The following ACSL4 variants were observed in gnomAD, a reference collection of about 807,000 sequenced individuals.
The protein encoded by ACSL4 is acyl-CoA synthetase long chain family member 4.
Under a neutral mutation model 49.1 loss-of-function variants are expected in ACSL4, and 9 were observed. That is an observed-to-expected ratio of 0.18 (90% CI 0.11 to 0.32). The LOEUF is 0.32. Ranked by LOEUF, ACSL4 falls within the 10% of genes least tolerant of loss-of-function variation. ACSL4 has a pLI of 1.00. For missense variants in ACSL4, 333 were observed against 493.7 expected (o/e 0.67, Z 3.08); for synonymous variants, 191 against 170.3 (o/e 1.12, Z -0.95).
intron 1 of ACSL4, among the ~76,000 whole-genome samples, chrX:109,720,915 C>T (rs752384183): frequency 8.9e-6 from 1 of 112,001 alleles, no homozygotes; most frequent in Non-Finnish European, 1.9e-5. Flanking sequence ...TTCCATGGTT[C>T]CAGGTGAAGA....
rs1008373801 is a variant in ACSL4 at position 109,664,854 on chromosome X, G to A, written c.1390+566C>T. On this transcript the variant is annotated intron_variant, in intron 12 of 15. Coordinates refer to ENST00000672401, the MANE Select transcript of ACSL4 (RefSeq NM_001318510.2). ...TTATTGTAGTTACTGTGTATATTTA[G>A]TATCTTTCATTAAGAAGACTGGTTG... 4.5e-5 allele frequency among the ~76,000 whole-genome samples: 5 copies of A among 111,786 alleles called. No homozygotes were observed. The East Asian group carries it at 1.4e-3, about 31-fold the overall frequency.
At chrX:109,718,657 T>C (rs1234364907) in intron 1 of ACSL4, among the ~76,000 whole-genome samples, 1 of 108,625 alleles carries the variant, frequency 9.2e-6, no homozygotes, top group Non-Finnish European at 1.9e-5. Flanking sequence ...AGGATGCTTA[T>C]GTGGGAGGAT....
intron 6 of ACSL4, among the ~76,000 whole-genome samples, chrX:109,680,207 A>T (rs1401622835): frequency 9.0e-6 from 1 of 111,610 alleles, no homozygotes; most frequent in Non-Finnish European, 1.9e-5. Flanking sequence ...CTATGGCACC[A>T]GGAAGTTTTG....
At chrX:109,698,537 G>C (rs1925624953) in intron 1 of ACSL4, among the ~76,000 whole-genome samples, 1 of 111,474 alleles carries the variant, frequency 9.0e-6, no homozygotes, top group Admixed American at 9.6e-5. Flanking sequence ...ATATAAGAAA[G>C]TTAGAAAGTG....
rs1485903250 is a variant in ACSL4 at position 109,641,456 on chromosome X, C to G, written c.*2573G>C. ...ACAATTCTGCAATCATGCATTTTAA[C>G]AGAAAGTACAAATATGAATACATTA... is the stretch of plus-strand genomic sequence containing the variant. On this transcript the variant is annotated 3_prime_UTR_variant, in exon 16 of 16. Transcript: ENST00000672401. The G allele has an allele frequency of 8.9e-6, 1 of 112,949 alleles. No homozygotes were observed. The highest frequency in any genetic ancestry group is 1.9e-5 in the Non-Finnish European group (1 of 53,262). 9.3% of individuals were successfully genotyped at this position (112,949 alleles called of 1,213,427 possible).
chrX:109,680,401 A>G (rs1328726317), intron 6 of ACSL4, among the ~76,000 whole-genome samples: 1 of 112,400 alleles, frequency 8.9e-6, no homozygotes, highest in Non-Finnish European at 1.9e-5. Flanking sequence ...TCCTTTTCTC[A>G]TTATAGTATG....
At position 109,701,217 on chromosome X, in the gene ACSL4, A is replaced by G. The variant is rs1401284407; in HGVS notation, c.-65-5021T>C. Among the ~76,000 whole-genome samples, 3 of 109,879 alleles carry G rather than the reference A, an allele frequency of 2.7e-5. No homozygotes were observed. The Admixed American group carries it at 2.9e-4, about 11-fold the overall frequency. On this transcript the variant is annotated intron_variant, in intron 1 of 15. Coordinates refer to ENST00000672401, the MANE Select transcript of ACSL4 (RefSeq NM_001318510.2). ...TCTAAGCATATTCTAATACACACAT[A>G]CATTTTTTTTTTTTGAGATGATGGA...
At chrX:109,721,282 A>G (rs1345723671) in intron 1 of ACSL4, among the ~76,000 whole-genome samples, 1 of 112,602 alleles carries the variant, frequency 8.9e-6, no homozygotes, top group Non-Finnish European at 1.9e-5. Flanking sequence ...AATTTTCACC[A>G]TCTTAGCAGG....
At chrX:109,716,348 T>C (rs1927117791) in intron 1 of ACSL4, among the ~76,000 whole-genome samples, 1 of 112,480 alleles carries the variant, frequency 8.9e-6, no homozygotes, top group Non-Finnish European at 1.9e-5. Context: ...TTATACCTGT[T>C]ACTACTTAAG....
intron 1 of ACSL4, among the ~76,000 whole-genome samples, chrX:109,701,062 GCAAA>G (rs1428192485): frequency 2.7e-5 from 3 of 110,910 alleles, no homozygotes; most frequent in Admixed American, 9.5e-5. Flanking sequence ...AAATAAATAA[GCAAA>G]CAAACAATAA....
At chrX:109,686,837 G>A (rs1485781790) in intron 2 of ACSL4, among the ~76,000 whole-genome samples, 1 of 110,647 alleles carries the variant, frequency 9.0e-6, no homozygotes, top group East Asian at 2.8e-4. Context: ...ATTCAGGTGA[G>A]AAGAAACCAG....
At chrX:109,681,438 G>A in intron 4 of ACSL4, 63 bp from the exon 5 acceptor site, 2 of 776,929 alleles carry the variant, frequency 2.6e-6, no homozygotes, top group African/African-American at 2.1e-5. Context: ...GGATATTATT[G>A]AAGTCAGTCT....
At chrX:109,669,780 T>A (rs1207039831) in intron 9 of ACSL4, among the ~76,000 whole-genome samples, 1 of 112,751 alleles carries the variant, frequency 8.9e-6, no homozygotes, top group Non-Finnish European at 1.9e-5. Flanking sequence ...TCTGTTACAA[T>A]ATATTCACTT....
At chrX:109,697,513 C>A (rs762137668) in intron 1 of ACSL4, among the ~76,000 whole-genome samples, 2 of 111,179 alleles carry the variant, frequency 1.8e-5, no homozygotes, top group South Asian at 7.6e-4. Context: ...AAGCCTATTA[C>A]TAACAAAGGC....
intron 1 of ACSL4, among the ~76,000 whole-genome samples, chrX:109,706,177 C>A (rs938520612): frequency 3.6e-5 from 4 of 112,414 alleles, no homozygotes; most frequent in Non-Finnish European, 7.5e-5. Context: ...AAATTGAATA[C>A]AATGATAACT....
chrX:109,717,918 T>C lies in ACSL4; in HGVS notation c.-66+15221A>G, dbSNP rs184685143. Among the ~76,000 whole-genome samples, 5 of 111,736 alleles carry C rather than the reference T, an allele frequency of 4.5e-5. No individual in the cohort carries two copies. In the Admixed American group the frequency reaches 4.8e-4, roughly 11 times the overall value. ...ATATTTTATGTGTAGCCCAAGACAA[T>C]TCTTCTTCCAACATGGTCCAGGGAA... On this transcript the variant is annotated intron_variant, in intron 1 of 15. Transcript: ENST00000672401.
At chrX:109,650,067 A>G (rs190538886) in intron 15 of ACSL4, among the ~76,000 whole-genome samples, 80 of 111,783 alleles carry the variant, frequency 7.2e-4, no homozygotes, top group African/African-American at 2.4e-3. Context: ...GGACACTTTT[A>G]CACTGTTGGT....
intron 15 of ACSL4, among the ~76,000 whole-genome samples, chrX:109,647,447 C>G (rs1318525763): frequency 2.7e-5 from 3 of 111,765 alleles, no homozygotes; most frequent in Non-Finnish European, 5.6e-5. Context: ...GAAATGAAGA[C>G]AGAAATAAAG....
At chrX:109,725,606 C>CA (rs1375012957) in intron 1 of ACSL4, among the ~76,000 whole-genome samples, 1 of 110,176 alleles carries the variant, frequency 9.1e-6, no homozygotes, top group Non-Finnish European at 1.9e-5. Context: ...ACTAAAAATA[C>CA]AAAAAAATTA....
Sources: allele counts gnomAD v4.1 joint callset (sites outside exome capture counted in the v4.1 genomes callset), GRCh38; gene constraint gnomAD v4.1.1; transcripts MANE v1.5; gene names NCBI Gene and HGNC (gene_info 2026-07-23, HGNC 2026-07-21).